Variants in LRRC7 observed in about 807,000 individuals in gnomAD.
LRRC7 encodes the protein leucine rich repeat containing 7.
Under a neutral mutation model 175.7 loss-of-function variants are expected in LRRC7, and 23 were observed. The observed-to-expected ratio is 0.13, with a 90% confidence interval of 0.09 to 0.19. The LOEUF (loss-of-function observed/expected upper bound fraction) is 0.19. LRRC7 is among the 10% of genes least tolerant of loss of function. The pLI is 1.00. For missense variants in LRRC7, 1,354 were observed against 1,904.7 expected (o/e 0.71, Z 5.38); for synonymous variants, 685 against 680.9 (o/e 1.01, Z -0.09).
At chr1:69,680,302 C>T (rs922996718) in intron 2 of LRRC7, among the ~76,000 whole-genome samples, 5 of 152,152 alleles carry the variant, frequency 3.3e-5, no homozygotes, top group Middle Eastern at 3.4e-3. Context: ...TGACATCAGA[C>T]GATACTAAAT....
intron 26 of LRRC7, among the ~76,000 whole-genome samples, chr1:70,116,546 C>CAAAAAA (rs11336931): frequency 1.1e-4 from 12 of 104,888 alleles, no homozygotes; most frequent in African/African-American, 3.9e-4. Flanking sequence ...GACTCCATGT[C>CAAAAAA]AAAAAAAAAA....
intron 7 of LRRC7, chr1:69,919,353 A>G (rs908213485): frequency 1.6e-6 from 1 of 606,812 alleles, no homozygotes; most frequent in Middle Eastern, 4.4e-4. Flanking sequence ...CGTGAGGAGG[A>G]AAGATGGCGG....
intron 1 of LRRC7, among the ~76,000 whole-genome samples, chr1:69,603,537 T>G (rs986542210): frequency 1.3e-5 from 2 of 152,198 alleles, no homozygotes; most frequent in African/African-American, 4.8e-5. Context: ...CATATTAACT[T>G]GTATTACTGA....
At chr1:69,786,298 G>A (rs535937390) in intron 3 of LRRC7, among the ~76,000 whole-genome samples, 2 of 152,094 alleles carry the variant, frequency 1.3e-5, no homozygotes, top group South Asian at 4.1e-4. Flanking sequence ...CAGTCTTGTG[G>A]TTGGCAATTC....
intron 22 of LRRC7, among the ~76,000 whole-genome samples, chr1:70,044,975 C>T (rs1048760762): frequency 6.6e-6 from 1 of 151,982 alleles, no homozygotes; most frequent in Non-Finnish European, 1.5e-5. Flanking sequence ...AACACTTCTT[C>T]CCTCTTAATA....
intron 2 of LRRC7, among the ~76,000 whole-genome samples, chr1:69,708,608 T>G (rs1208154015): frequency 6.6e-6 from 1 of 152,154 alleles, no homozygotes; most frequent in Non-Finnish European, 1.5e-5. Context: ...AAACATCTAT[T>G]TAGGCCAAAT....
At chr1:70,069,984 A>G (rs1027279936) in intron 23 of LRRC7, among the ~76,000 whole-genome samples, 3 of 151,830 alleles carry the variant, frequency 2.0e-5, no homozygotes, top group Non-Finnish European at 4.4e-5. Context: ...CTTTGCTGAG[A>G]CTTTTTAAAA....
chr1:70,058,371 AT>A (rs1185129774), intron 23 of LRRC7, among the ~76,000 whole-genome samples: 5 of 152,166 alleles, frequency 3.3e-5, no homozygotes, highest in Admixed American at 2.0e-4. Context: ...CTAGAAGAAC[AT>A]TTTATAGCTA....
chr1:69,709,073 AAT>A (rs1664424970), intron 2 of LRRC7, among the ~76,000 whole-genome samples: 1 of 152,218 alleles, frequency 6.6e-6, no homozygotes, highest in Non-Finnish European at 1.5e-5. Context: ...CCTTCAAAGC[AAT>A]TGTATTTTCT....
chr1:69,762,859 A>G (rs899606741), intron 3 of LRRC7, among the ~76,000 whole-genome samples: 1 of 152,006 alleles, frequency 6.6e-6, no homozygotes, highest in Non-Finnish European at 1.5e-5. Flanking sequence ...AGGAGAATTT[A>G]TTATCCTTTA....
chr1:70,015,569 C>A (rs1315086731), intron 13 of LRRC7, among the ~76,000 whole-genome samples: 1 of 152,142 alleles, frequency 6.6e-6, no homozygotes, highest in Non-Finnish European at 1.5e-5. Context: ...GTTTGTACTA[C>A]TCACTTTGCT....
chr1:69,744,098 T>C (rs919237957), intron 2 of LRRC7, among the ~76,000 whole-genome samples: 1 of 151,806 alleles, frequency 6.6e-6, no homozygotes, highest in Non-Finnish European at 1.5e-5. Context: ...ATACTAAATA[T>C]GTTTCCTATA....
intron 1 of LRRC7, among the ~76,000 whole-genome samples, chr1:69,636,526 AT>A (rs1263948600): frequency 5.2e-4 from 79 of 151,750 alleles, no homozygotes; most frequent in Non-Finnish European, 9.1e-4. Context: ...TCTTGTAATC[AT>A]TTTTTTTCTT....
At chr1:69,633,555 A>G (rs1652848149) in intron 1 of LRRC7, among the ~76,000 whole-genome samples, 1 of 152,068 alleles carries the variant, frequency 6.6e-6, no homozygotes, top group African/African-American at 2.4e-5. Flanking sequence ...CAGCCTCCCA[A>G]GTAGGTGGTA....
At chr1:69,931,215 G>A (rs1234661920) in intron 7 of LRRC7, among the ~76,000 whole-genome samples, 1 of 152,020 alleles carries the variant, frequency 6.6e-6, no homozygotes, top group Non-Finnish European at 1.5e-5. Flanking sequence ...ATTGAAGTGG[G>A]GCCCCACCCT....
At chr1:70,015,173 G>A (rs1017201501) in intron 13 of LRRC7, among the ~76,000 whole-genome samples, 5 of 151,772 alleles carry the variant, frequency 3.3e-5, no homozygotes, top group South Asian at 2.1e-4. Context: ...AAAGAATTGC[G>A]ATATAATTTA....
At chr1:69,995,126 T>C (rs1261681956) in intron 11 of LRRC7, among the ~76,000 whole-genome samples, 2 of 152,164 alleles carry the variant, frequency 1.3e-5, no homozygotes, top group African/African-American at 4.8e-5. Flanking sequence ...TAGCATTTTT[T>C]AAAACTTCAA....
chr1:69,927,500 T>C (rs533065734), intron 7 of LRRC7, among the ~76,000 whole-genome samples: 94 of 152,288 alleles, frequency 6.2e-4, no homozygotes, highest in Admixed American at 2.2e-3. Flanking sequence ...GGAGGCTTTG[T>C]TCATTTCTTT....
intron 26 of LRRC7, among the ~76,000 whole-genome samples, chr1:70,119,169 G>A (rs1303958862): frequency 6.6e-6 from 1 of 150,836 alleles, no homozygotes; most frequent in East Asian, 1.9e-4. Flanking sequence ...CTGAGGGCTC[G>A]AGGAGACTCT....
Sources: gnomAD v4.1 joint callset for allele counts (sites outside exome capture counted in the v4.1 genomes callset) on GRCh38, gnomAD v4.1.1 for gene constraint, MANE v1.5 for transcripts, NCBI Gene and HGNC (gene_info 2026-07-23, HGNC 2026-07-21) for gene names.